The following CSMD3 variants were observed in gnomAD, a reference collection of about 807,000 sequenced individuals.
The protein encoded by CSMD3 is CUB and sushi domain-containing protein 3.
In CSMD3, 177 loss-of-function variants were observed where a neutral mutation model predicts 435.2. The observed-to-expected ratio is 0.41, with a 90% CI of 0.36 to 0.46. The LOEUF (loss-of-function observed/expected upper bound fraction) is 0.46. CSMD3 is among the 20% of genes least tolerant of loss of function. The pLI is 0.34. For missense variants in CSMD3, 4,265 were observed against 4,504.6 expected (o/e 0.95, Z 1.52); for synonymous variants, 1,656 against 1,520.5 (o/e 1.09, Z -2.07).
chr8:113,308,187 G>C (rs2093836834), intron 2 of CSMD3, among the ~76,000 whole-genome samples: 1 of 147,270 alleles, frequency 6.8e-6, no homozygotes, highest in African/African-American at 2.5e-5. Flanking sequence ...GATGATTGAT[G>C]AGATATTGAC....
chr8:112,480,174 A>G (rs560889675), intron 31 of CSMD3, among the ~76,000 whole-genome samples: 1 of 152,338 alleles, frequency 6.6e-6, no homozygotes, highest in South Asian at 2.1e-4. Flanking sequence ...ACTTGTGTGG[A>G]GAATATTGAC....
intron 32 of CSMD3, among the ~76,000 whole-genome samples, chr8:112,420,343 T>C (rs909039934): frequency 2.6e-5 from 4 of 152,130 alleles, no homozygotes. Flanking sequence ...CATAAATGCT[T>C]TGGTATTTGT....
chr8:112,353,707 A>G (rs57215236), intron 38 of CSMD3, among the ~76,000 whole-genome samples: 5,718 of 152,142 alleles, frequency 0.038, 355 homozygotes, highest in African/African-American at 0.13. Context: ...AATCAGTAAG[A>G]AAAAAACCTA....
At chr8:112,662,436 T>C (rs1473922314) in intron 17 of CSMD3, among the ~76,000 whole-genome samples, 2 of 152,016 alleles carry the variant, frequency 1.3e-5, no homozygotes, top group African/African-American at 4.8e-5. Flanking sequence ...GATTCCCTAT[T>C]TAATAAATGG....
At chr8:112,655,934 T>A (rs2075246358) in intron 18 of CSMD3, among the ~76,000 whole-genome samples, 1 of 152,058 alleles carries the variant, frequency 6.6e-6, no homozygotes, top group Admixed American at 6.6e-5. Flanking sequence ...CTGATATTTC[T>A]TTAGTATTTT....
intron 32 of CSMD3, among the ~76,000 whole-genome samples, chr8:112,447,649 A>C (rs536798819): frequency 2.6e-5 from 4 of 152,280 alleles, no homozygotes; most frequent in Non-Finnish European, 5.9e-5. Context: ...ACTTGGTATA[A>C]TCTTACAAAA....
chr8:112,936,615 T>G (rs1477594727), intron 9 of CSMD3, among the ~76,000 whole-genome samples: 2 of 152,130 alleles, frequency 1.3e-5, no homozygotes, highest in African/African-American at 2.4e-5. Context: ...AAAAACACCC[T>G]TGTAATTAAA....
intron 67 of CSMD3, among the ~76,000 whole-genome samples, chr8:112,235,435 A>C (rs185035222): frequency 8.5e-5 from 13 of 152,124 alleles, no homozygotes; most frequent in Middle Eastern, 3.4e-3. Context: ...ACAACAACAA[A>C]AAACAGCATT....
chr8:113,289,052 A>G (rs1465505780), intron 2 of CSMD3, among the ~76,000 whole-genome samples: 1 of 151,808 alleles, frequency 6.6e-6, no homozygotes, highest in Non-Finnish European at 1.5e-5. Flanking sequence ...AATCTCAGTG[A>G]TTCCATTTAC....
intron 1 of CSMD3, among the ~76,000 whole-genome samples, chr8:113,319,434 A>C (rs1461493820): frequency 6.6e-6 from 1 of 151,938 alleles, no homozygotes; most frequent in Non-Finnish European, 1.5e-5. Flanking sequence ...GAGTTATAAG[A>C]ATTCTTTATA....
At chr8:112,957,482 A>G (rs2084063535) in intron 7 of CSMD3, among the ~76,000 whole-genome samples, 1 of 152,090 alleles carries the variant, frequency 6.6e-6, no homozygotes, top group Non-Finnish European at 1.5e-5. Flanking sequence ...GAGAATGAGT[A>G]TCGCTCGGTC....
intron 13 of CSMD3, among the ~76,000 whole-genome samples, chr8:112,729,565 C>G (rs2077033785): frequency 1.3e-5 from 2 of 152,088 alleles, no homozygotes; most frequent in Admixed American, 1.3e-4. Flanking sequence ...GAAAAATGAT[C>G]TTTGCAGATG....
chr8:113,182,522 A>T (rs59226357), intron 3 of CSMD3, among the ~76,000 whole-genome samples: 2 of 125,642 alleles, frequency 1.6e-5, no homozygotes, highest in African/African-American at 6.1e-5. Flanking sequence ...ATGCTGCCAA[A>T]AAAAAAAACA....
At position 112,600,015 on chromosome 8, in the gene CSMD3, A is replaced by G. The variant is rs10955629; in HGVS notation, c.3716-12780T>C. 3.0e-3 allele frequency among the ~76,000 whole-genome samples: 450 copies of G among 150,756 alleles called. 3 individuals carry two copies. Among genetic ancestry groups the G allele is most frequent in the African/African-American group, 9.7e-3 (392 of 40,574 alleles). On this transcript the variant is annotated intron_variant, in intron 22 of 70. Transcript: ENST00000297405. The stretch of plus-strand genomic sequence containing the variant: ...GCACATGTACCCTAAAACTTAAAGT[A>G]TATATATAAAAAAAAGGAATAGTAC...
chr8:112,374,395 A>G (rs1422959572), intron 38 of CSMD3, among the ~76,000 whole-genome samples: 2 of 151,926 alleles, frequency 1.3e-5, no homozygotes, highest in African/African-American at 4.8e-5. Flanking sequence ...TCTATTTACA[A>G]TTATAATTTT....
intron 10 of CSMD3, among the ~76,000 whole-genome samples, chr8:112,913,044 CT>C (rs1239738752): frequency 6.6e-6 from 1 of 151,974 alleles, no homozygotes; most frequent in African/African-American, 2.4e-5. Flanking sequence ...CTGGTGTAAT[CT>C]GCACATCCAC....
chr8:112,307,748 A>C (rs1308382540), intron 50 of CSMD3, among the ~76,000 whole-genome samples: 1 of 152,240 alleles, frequency 6.6e-6, no homozygotes, highest in Admixed American at 6.5e-5. Context: ...AAGCTTCTGT[A>C]TTATGAAAGA....
At chr8:112,621,175 C>T (rs1489766784) in intron 22 of CSMD3, among the ~76,000 whole-genome samples, 4 of 151,854 alleles carry the variant, frequency 2.6e-5, no homozygotes, top group South Asian at 2.1e-4. Flanking sequence ...GTGGAGGTTG[C>T]GGTGAGCTGA....
chr8:112,520,905 C>T (rs770511875), intron 27 of CSMD3, among the ~76,000 whole-genome samples: 3 of 151,866 alleles, frequency 2.0e-5, no homozygotes, highest in Non-Finnish European at 4.4e-5. Flanking sequence ...CTTCTTAACA[C>T]CATCAAATCC....
Sources: allele counts gnomAD v4.1 joint callset (sites outside exome capture counted in the v4.1 genomes callset), GRCh38; gene constraint gnomAD v4.1.1; transcripts MANE v1.5; gene names NCBI Gene and HGNC (gene_info 2026-07-23, HGNC 2026-07-21).